The following NDRG4 variants were observed in gnomAD, a reference collection of about 807,000 sequenced individuals.
NDRG4 encodes the protein protein NDRG4.
In NDRG4, 38 loss-of-function variants were observed where a neutral mutation model predicts 55.8. The ratio of observed to expected loss-of-function variants is 0.68; its 90% confidence interval spans 0.53 to 0.89. The LOEUF (loss-of-function observed/expected upper bound fraction) is 0.89, where lower values mean the gene tolerates loss of function less well. Ranked by LOEUF, NDRG4 falls within the 40% of genes least tolerant of loss-of-function variation. The pLI is 0.00. For synonymous variants in NDRG4, 190 were observed against 182.7 expected (o/e 1.04, Z -0.32); for missense variants, 455 against 468.6 (o/e 0.97, Z 0.27).
At position 58,511,939 on chromosome 16, in the gene NDRG4, G is replaced by T. The variant is rs1411869591; in HGVS notation, c.*363G>T. On this transcript the variant is annotated 3_prime_UTR_variant, in exon 15 of 15. Transcript: ENST00000570248. ...TGGAGATGAGAGAGGCTTCGAGAGGGTGGGTGCTGGGCCACAGGGGTGCGG... is the reference window on the plus strand; with the variant it reads ...TGGAGATGAGAGAGGCTTCGAGAGGTTGGGTGCTGGGCCACAGGGGTGCGG... 1 of 452,840 alleles carries T rather than the reference G, an allele frequency of 2.2e-6. No individual in the cohort carries two copies. Among genetic ancestry groups the T allele is most frequent in the Non-Finnish European group, 4.4e-6 (1 of 229,230 alleles). The allele number at this position is 452,840 out of a possible 1,614,324, so 28.1% of individuals were successfully genotyped here. A position where few individuals can be genotyped will look rare whatever the true frequency, so the allele number is the denominator to read the frequency against.
chr16:58,496,434 A>G (rs1301346800), upstream of NDRG4, among the ~76,000 whole-genome samples: 2 of 152,104 alleles, frequency 1.3e-5, no homozygotes, highest in Non-Finnish European at 2.9e-5. Flanking sequence ...TTTTTGTTTT[A>G]GAAAAGCAGC....
chr16:58,498,476 C>T (rs2036656698), upstream of NDRG4, among the ~76,000 whole-genome samples: 1 of 152,212 alleles, frequency 6.6e-6, no homozygotes, highest in African/African-American at 2.4e-5. Context: ...TGACCACTTT[C>T]TCCAAGGGCA....
rs1238465753 is a variant in NDRG4, at chr16:58,500,275, T to G, written c.21+6T>G. ...TGCCGGAGTGCTGGGATGGGGTGAG[T>G]GAGGGCGCTGCGGGCATCAAGGTGG... On this transcript the variant is annotated splice_donor_region_variant and intron_variant, in intron 1 of 14. Transcript: ENST00000570248. 1.3e-6 allele frequency: 2 copies of G among 1,534,992 alleles called. No individual in the cohort carries two copies. The highest frequency in any genetic ancestry group is 2.4e-5 in the East Asian group (1 of 40,862).
intron 1 of NDRG4, 71 bp from the exon 2 acceptor site, chr16:58,503,727 G>C: frequency 1.2e-6 from 2 of 1,600,858 alleles, no homozygotes; most frequent in South Asian, 2.2e-5. Context: ...ACCAGGCTGC[G>C]TCACCTCATT....
At chr16:58,490,974 C>T (rs1298742367) in intron 2 of NDRG4, among the ~76,000 whole-genome samples, 2 of 149,934 alleles carry the variant, frequency 1.3e-5, no homozygotes, top group Non-Finnish European at 3.0e-5. Flanking sequence ...GAGGCTCTGT[C>T]TCAAAAACAA....
chr16:58,481,765 C>T (rs562714579), intron 1 of NDRG4, among the ~76,000 whole-genome samples: 20 of 152,210 alleles, frequency 1.3e-4, no homozygotes, highest in African/African-American at 4.3e-4. Context: ...ATTTCTCATC[C>T]GTGAACTGGG....
chr16:58,510,850 T>G (rs1174981548), intron 14 of NDRG4, 167 bp downstream of exon 14: 36 of 662,580 alleles, frequency 5.4e-5, no homozygotes, highest in Non-Finnish European at 7.1e-5. Flanking sequence ...TCTGCAGGCT[T>G]GGCCTCTAGG....
chr16:58,507,707 A>G (rs539889482), intron 8 of NDRG4, 101 bp from the exon 9 acceptor site: 3 of 1,131,376 alleles, frequency 2.7e-6, no homozygotes, highest in Non-Finnish European at 3.9e-6. Context: ...GAGCAGGTCC[A>G]CGCCTCCCTG....
downstream of NDRG4, among the ~76,000 whole-genome samples, chr16:58,514,230 C>T (rs1015502401): frequency 2.0e-5 from 3 of 152,114 alleles, no homozygotes; most frequent in African/African-American, 7.2e-5. Context: ...ACTAAAATAC[C>T]GTGTTAGAGG....
In NDRG4 at chr16:58,503,816, CCCTACGG is replaced by C; in HGVS notation, c.44_50del (p.Tyr15PhefsTer4). On this transcript the variant is annotated frameshift_variant, in exon 2 of 15. Transcript: ENST00000570248. LOFTEE classifies it high-confidence loss of function. The stretch of plus-strand genomic sequence containing the variant: ...CCTTCAGGAACATGACATCGAGACA[CCCTACGG>C]CCTTCTGCATGTAGTGATCCGGGGC... 6.2e-7 allele frequency: 1 copy of C among 1,613,992 alleles called. No individual in the cohort carries two copies. The highest frequency in any genetic ancestry group is 8.5e-7 in the Non-Finnish European group (1 of 1,179,988).
At position 58,464,617 on chromosome 16, in the gene NDRG4, C is replaced by A; in HGVS notation, c.-24+820C>A. 2 of 967,004 alleles carry A rather than the reference C, an allele frequency of 2.1e-6. No homozygotes were observed. The highest frequency in any genetic ancestry group is 1.4e-6 in the Non-Finnish European group (1 of 730,912). 59.9% of individuals were successfully genotyped at this position (967,004 alleles called of 1,614,324 possible). Reference sequence around the variant, plus strand: ...TAGTTTTGTGCTACCTGTTTGTGTGCGGAGCCCAGCCCCGGGAGAGGACTT... The same window carrying A: ...TAGTTTTGTGCTACCTGTTTGTGTGAGGAGCCCAGCCCCGGGAGAGGACTT... On this transcript the variant is annotated intron_variant, in intron 1 of 15. Coordinates refer to the NDRG4 transcript ENST00000258187. The surrounding 1 kb of genome is among the most constrained non-coding windows in gnomAD (Gnocchi z 4.8).
In NDRG4 at chr16:58,464,140, C is replaced by G. The variant is rs1416690089; in HGVS notation, c.-24+343C>G. The G allele has an allele frequency of 2.9e-6, 1 of 350,840 alleles. No individual in the cohort carries two copies. Among genetic ancestry groups the G allele is most frequent in the African/African-American group, 2.1e-5 (1 of 47,198 alleles). 21.7% of individuals were successfully genotyped at this position (350,840 alleles called of 1,614,324 possible). On this transcript the variant is annotated intron_variant, in intron 1 of 15. Transcript: ENST00000258187. This position sits in a 1 kb window ranked among gnomAD's most constrained non-coding sequence, Gnocchi z 4.8. ...GGGACCACCTCCCACGGTGTCACCG[C>G]ACCCACCCCGCGCCCTTCCTCCGCC...
chr16:58,503,421 A>G (rs934500186), intron 1 of NDRG4, among the ~76,000 whole-genome samples: 3 of 152,100 alleles, frequency 2.0e-5, no homozygotes, highest in Non-Finnish European at 4.4e-5. Flanking sequence ...AGTGCCTGAG[A>G]GTTCTGAGTG....
At chr16:58,474,152 T>C (rs186691034) in intron 1 of NDRG4, among the ~76,000 whole-genome samples, 34,382 of 147,474 alleles carry the variant, frequency 0.23, 4,426 homozygotes, top group Non-Finnish European at 0.29. Flanking sequence ...TTCTCCTGCC[T>C]CAGCCTCCCA....
intron 2 of NDRG4, among the ~76,000 whole-genome samples, chr16:58,491,717 C>T (rs2035809260): frequency 6.6e-6 from 1 of 152,220 alleles, no homozygotes; most frequent in Non-Finnish European, 1.5e-5. Context: ...GCCTTGGCCT[C>T]CCAAAGTGCT....
intron 2 of NDRG4, chr16:58,487,872 G>C: frequency 6.6e-7 from 1 of 1,517,950 alleles, no homozygotes. Context: ...TCGCGCCTTT[G>C]AGGTCTTAGG....
downstream of NDRG4, chr16:58,515,385 C>T (rs138629337): frequency 2.5e-6 from 2 of 798,070 alleles, no homozygotes; most frequent in African/African-American, 3.7e-5. Context: ...AAGATGTTTT[C>T]ATGAGGAACG....
At chr16:58,503,625 G>A (rs2037447878) in intron 1 of NDRG4, 173 bp from the exon 2 acceptor site, 3 of 1,286,668 alleles carry the variant, frequency 2.3e-6, no homozygotes, top group Non-Finnish European at 3.3e-6. Context: ...CCTGAGAAGG[G>A]GTGTTCCATC....
chr16:58,509,065 G>A, intron 11 of NDRG4, 56 bp downstream of exon 11: 4 of 1,613,988 alleles, frequency 2.5e-6, no homozygotes, highest in Non-Finnish European at 3.4e-6. Context: ...CCCAACCTCA[G>A]GGAGGTGTTT....
Sources: gnomAD v4.1 joint callset for allele counts (sites outside exome capture counted in the v4.1 genomes callset) on GRCh38, gnomAD v4.1.1 for gene constraint, Gnocchi (gnomAD v3.1) non-coding constraint, MANE v1.5 for transcripts, NCBI Gene and HGNC (gene_info 2026-07-23, HGNC 2026-07-21) for gene names.